The following POLR1A variants were observed in gnomAD, a reference collection of about 807,000 sequenced individuals.
POLR1A encodes DNA-directed RNA polymerase I subunit RPA1.
POLR1A carries 84 observed loss-of-function variants against 205.3 expected under a neutral mutation model. That is an observed-to-expected ratio of 0.41 (90% CI 0.34 to 0.49). The LOEUF is 0.49. POLR1A is among the 20% of genes least tolerant of loss of function. The probability of loss-of-function intolerance (pLI) is 0.22; values close to 1 mark genes in which losing one functional copy is unlikely to be tolerated. For missense variants in POLR1A, 1,645 were observed against 2,204.5 expected (o/e 0.75, Z 5.08); for synonymous variants, 799 against 863.7 (o/e 0.93, Z 1.31).
chr2:86,060,937 G>A (rs1672982240), intron 14 of POLR1A, among the ~76,000 whole-genome samples: 1 of 152,130 alleles, frequency 6.6e-6, no homozygotes, highest in African/African-American at 2.4e-5. Context: ...CCAAATTATA[G>A]TTTAAAAACC....
chr2:86,085,263 T>C (rs963334271), intron 6 of POLR1A, among the ~76,000 whole-genome samples: 2 of 152,192 alleles, frequency 1.3e-5, no homozygotes, highest in Non-Finnish European at 2.9e-5. Context: ...GCCCGGCCCA[T>C]GTCCAGTTAT....
At chr2:86,029,823 A>G (rs1474314650) in intron 31 of POLR1A, among the ~76,000 whole-genome samples, 1 of 151,402 alleles carries the variant, frequency 6.6e-6, no homozygotes, top group East Asian at 1.9e-4. Context: ...GATGGTCTTG[A>G]TCTCCTGACC....
At chr2:86,037,472 C>A (rs1006621953) in intron 27 of POLR1A, among the ~76,000 whole-genome samples, 3 of 152,282 alleles carry the variant, frequency 2.0e-5, no homozygotes, top group Non-Finnish European at 4.4e-5. Context: ...GGGCTGAGGG[C>A]AGAAAAGTCG....
At chr2:86,050,056 T>C (rs1672774545) in intron 16 of POLR1A, among the ~76,000 whole-genome samples, 1 of 152,090 alleles carries the variant, frequency 6.6e-6, no homozygotes, top group African/African-American at 2.4e-5. Flanking sequence ...TAGCTGGGAC[T>C]ACAGGTGCAC....
Position 86,044,119 on chromosome 2 carries a change from T to C in POLR1A, c.3135+20A>G. On this transcript the variant is annotated intron_variant, in intron 22 of 33. Transcript: ENST00000263857. ...GAGGCCTACTGCTCGGCCCCCAGGC[T>C]CCGGGATCTAGCACACTACCTCGTA... The C allele has an allele frequency of 3.1e-6, 5 of 1,613,214 alleles. No individual in the cohort carries two copies. The highest frequency in any genetic ancestry group is 4.2e-6 in the Non-Finnish European group (5 of 1,179,320).
chr2:86,082,291 A>G (rs1673418309), intron 7 of POLR1A, among the ~76,000 whole-genome samples: 2 of 152,138 alleles, frequency 1.3e-5, no homozygotes, highest in Non-Finnish European at 2.9e-5. Flanking sequence ...ACTTGTTTTT[A>G]ATCACCCTCC....
At chr2:86,027,746 C>A in intron 33 of POLR1A, 139 bp downstream of exon 33, 2 of 988,862 alleles carry the variant, frequency 2.0e-6, no homozygotes, top group Non-Finnish European at 3.1e-6. Flanking sequence ...CTGTTCAGCC[C>A]CCTCCAGCCG....
chr2:86,087,188 T>C, intron 6 of POLR1A, among the ~76,000 whole-genome samples: 1 of 152,360 alleles, frequency 6.6e-6, no homozygotes, highest in Middle Eastern at 3.4e-3. Flanking sequence ...TTCTCTGTAC[T>C]ATGTTTACTA....
chr2:86,101,360 T>C (rs1673818594), intron 1 of POLR1A, among the ~76,000 whole-genome samples: 1 of 152,166 alleles, frequency 6.6e-6, no homozygotes, highest in Admixed American at 6.5e-5. Context: ...TGTAAAACAA[T>C]GTTAGTCTAT....
intron 26 of POLR1A, 50 bp from the exon 27 acceptor site, chr2:86,038,907 C>T (rs1185421438): frequency 1.3e-6 from 2 of 1,572,966 alleles, no homozygotes; most frequent in Non-Finnish European, 1.7e-6. Context: ...TCCTAGGTGA[C>T]TGCGCAATGT....
At chr2:86,078,383 G>T (rs1001583506) in intron 9 of POLR1A, 99 bp from the exon 10 acceptor site, 3 of 868,110 alleles carry the variant, frequency 3.5e-6, no homozygotes, top group Non-Finnish European at 5.4e-6. Flanking sequence ...TGACAACTAT[G>T]CACTCTGGAG....
intron 13 of POLR1A, among the ~76,000 whole-genome samples, chr2:86,068,386 C>CCGGGGGGG (rs1553436015): frequency 8.2e-5 from 1 of 12,240 alleles, no homozygotes; most frequent in African/African-American, 4.5e-4. Context: ...AGCACATGGG[C>CCGGGGGGG]GGGGGGGGGG....
chr2:86,042,214 T>C (rs1408512339), intron 23 of POLR1A, 111 bp from the exon 24 acceptor site: 2 of 775,960 alleles, frequency 2.6e-6, no homozygotes, highest in Admixed American at 4.2e-5. Context: ...GAAACCTGAT[T>C]GCAATGAGAA....
intron 16 of POLR1A, among the ~76,000 whole-genome samples, 197 bp from the exon 17 acceptor site, chr2:86,049,439 C>A (rs1300016426): frequency 1.3e-5 from 2 of 150,888 alleles, no homozygotes; most frequent in East Asian, 1.9e-4. Context: ...ACCTTATAAT[C>A]CCCATTTTAC....
chr2:86,071,231 T>TGCGCGC (rs1178538871), intron 12 of POLR1A, among the ~76,000 whole-genome samples: 2 of 5,128 alleles, frequency 3.9e-4, no homozygotes, highest in African/African-American at 6.3e-4. Flanking sequence ...CGTGTGCATG[T>TGCGCGC]GTGTGTGTGT....
Position 86,105,534 on chromosome 2 carries a change from C to T in POLR1A, c.77+166G>A, listed in dbSNP as rs73944245. ...ACCACCGGCCTCTTATCCAGGCAGTCCACGCCGGCCCAGGAACGTTCCCAG... is the reference window on the plus strand; with the variant it reads ...ACCACCGGCCTCTTATCCAGGCAGTTCACGCCGGCCCAGGAACGTTCCCAG... On this transcript the variant is annotated intron_variant, in intron 1 of 33. Coordinates refer to ENST00000263857, the MANE Select transcript of POLR1A (RefSeq NM_015425.6). Among the ~76,000 whole-genome samples the T allele has an allele frequency of 0.067, 10,119 of 152,124 alleles. 1,122 individuals are homozygous for T. Among genetic ancestry groups the T allele is most frequent in the African/African-American group, 0.23 (9,431 of 41,416 alleles).
chr2:86,044,846 C>T (rs1024506597), intron 21 of POLR1A, among the ~76,000 whole-genome samples: 1 of 152,188 alleles, frequency 6.6e-6, no homozygotes, highest in Admixed American at 6.5e-5. Flanking sequence ...CCTTTGCTTA[C>T]CTCTCCGGAC....
chr2:86,028,134 C>G lies in POLR1A; in HGVS notation c.4898-85G>C. 1 of 1,285,440 alleles carries G rather than the reference C, an allele frequency of 7.8e-7. No homozygotes were observed. Among genetic ancestry groups the G allele is most frequent in the South Asian group, 1.2e-5 (1 of 80,508 alleles). The allele number at this position is 1,285,440 out of a possible 1,614,324, so 79.6% of individuals were successfully genotyped here. On this transcript the variant is annotated intron_variant, in intron 32 of 33. Coordinates refer to ENST00000263857, the MANE Select transcript of POLR1A (RefSeq NM_015425.6). The surrounding 1 kb of genome is among the most constrained non-coding windows in gnomAD (Gnocchi z 4.5). Reference sequence around the variant, plus strand: ...GACACAAGCCAAGCTGCCTCCACATCAGCACATGGCTTGGGAGTTAGACTC... The same window carrying G: ...GACACAAGCCAAGCTGCCTCCACATGAGCACATGGCTTGGGAGTTAGACTC...
At chr2:86,036,249 G>C (rs1041344820) in intron 27 of POLR1A, among the ~76,000 whole-genome samples, 2 of 152,194 alleles carry the variant, frequency 1.3e-5, no homozygotes, top group African/African-American at 4.8e-5. Flanking sequence ...GGGGACCGGA[G>C]GCCAAAACTT....
Sources: gnomAD v4.1 joint callset for allele counts (sites outside exome capture counted in the v4.1 genomes callset) on GRCh38, gnomAD v4.1.1 for gene constraint, Gnocchi (gnomAD v3.1) non-coding constraint, MANE v1.5 for transcripts, NCBI Gene and HGNC (gene_info 2026-07-23, HGNC 2026-07-21) for gene names.